Variants in SNX30 observed in about 807,000 individuals in gnomAD.
SNX30 encodes sorting nexin-30.
In SNX30, 24 loss-of-function variants were observed where a neutral mutation model predicts 46.4. That is an observed-to-expected ratio of 0.52 (90% confidence interval 0.37 to 0.73). The LOEUF is 0.73. Ranked by LOEUF, SNX30 falls within the 30% of genes least tolerant of loss-of-function variation. The pLI is 0.00. For missense variants in SNX30, 533 were observed against 555.7 expected (o/e 0.96, Z 0.41); for synonymous variants, 189 against 211.5 (o/e 0.89, Z 0.92).
chr9:112,855,547 A>G (rs1841109861), intron 7 of SNX30, among the ~76,000 whole-genome samples: 1 of 152,078 alleles, frequency 6.6e-6, no homozygotes, highest in African/African-American at 2.4e-5. Flanking sequence ...TGTCTTCACA[A>G]CCTTCCCTGT....
intron 1 of SNX30, among the ~76,000 whole-genome samples, chr9:112,794,529 C>G (rs1840078442): frequency 6.6e-6 from 1 of 152,144 alleles, no homozygotes; most frequent in African/African-American, 2.4e-5. Context: ...TCTGTGTATT[C>G]AGAGAGCCAT....
chr9:112,818,718 T>C (rs1489572896), intron 3 of SNX30, among the ~76,000 whole-genome samples: 3 of 152,194 alleles, frequency 2.0e-5, no homozygotes, highest in African/African-American at 7.2e-5. Context: ...GACTACCAAC[T>C]TTCTGTTACT....
intron 7 of SNX30, among the ~76,000 whole-genome samples, chr9:112,857,509 C>T (rs1319229736): frequency 6.6e-6 from 1 of 152,178 alleles, no homozygotes; most frequent in East Asian, 1.9e-4. Flanking sequence ...GCCCTGTCCC[C>T]TGCTCACTCA....
At chr9:112,798,117 TTTTC>T (rs1840141519) in intron 1 of SNX30, among the ~76,000 whole-genome samples, 1 of 62,928 alleles carries the variant, frequency 1.6e-5, no homozygotes, top group African/African-American at 5.4e-5. Flanking sequence ...GTTTTTTTTT[TTTTC>T]TTTTTTTTTT....
chr9:112,751,041 C>A lies in SNX30; in HGVS notation c.40C>A (p.Pro14Thr). 1.4e-6 allele frequency: 2 copies of A among 1,481,094 alleles called. No homozygotes were observed. The highest frequency in any genetic ancestry group is 2.2e-5 in the Admixed American group (1 of 45,056). The allele number at this position is 1,481,094 out of a possible 1,614,324, so 91.7% of individuals were successfully genotyped here. A position where few individuals can be genotyped will look rare whatever the true frequency, so the allele number is the denominator to read the frequency against. ...GPPKALPSTGPHSLRDMPHPL... is the reference protein window; with the variant it reads ...GPPKALPSTGTHSLRDMPHPL... ...CCCCAAGGCCCTGCCGTCCACGGGG[C>A]CCCACTCCCTGCGCGACATGCCGCA... The change falls in exon 1 of 9, where the codon CCC becomes ACC. Residue 14 changes from proline (P) to threonine (T), a missense_variant. Transcript: ENST00000374232.
intron 2 of SNX30, 72 bp downstream of exon 2, chr9:112,805,039 G>T: frequency 7.9e-7 from 1 of 1,265,474 alleles, no homozygotes. Flanking sequence ...AGTGAATTTT[G>T]CCTTTGCTCT....
chr9:112,815,948 A>G (rs189090843), intron 2 of SNX30, among the ~76,000 whole-genome samples: 3 of 152,288 alleles, frequency 2.0e-5, no homozygotes, highest in Non-Finnish European at 2.9e-5. Context: ...GGCTCAGACA[A>G]TCCTCCTGCC....
intron 1 of SNX30, among the ~76,000 whole-genome samples, chr9:112,792,482 T>C (rs1376858841): frequency 6.6e-6 from 1 of 152,240 alleles, no homozygotes; most frequent in Admixed American, 6.5e-5. Context: ...TGGAGTACAA[T>C]GGTGCGATCT....
chr9:112,790,226 CTA>C (rs1394121402), intron 1 of SNX30, among the ~76,000 whole-genome samples: 2 of 152,204 alleles, frequency 1.3e-5, no homozygotes, highest in Non-Finnish European at 1.5e-5. Context: ...AGATAAATCT[CTA>C]TGTCTTAATA....
intron 1 of SNX30, among the ~76,000 whole-genome samples, chr9:112,775,984 G>C (rs968776217): frequency 4.6e-5 from 7 of 152,072 alleles, no homozygotes; most frequent in Non-Finnish European, 7.4e-5. Flanking sequence ...TACTATTCCA[G>C]ATGAGAAGTC....
At chr9:112,836,936 G>T (rs953188333) in intron 5 of SNX30, among the ~76,000 whole-genome samples, 1 of 152,096 alleles carries the variant, frequency 6.6e-6, no homozygotes, top group Admixed American at 6.5e-5. Context: ...ATCCTTCCTC[G>T]TTTTTGCCTC....
chr9:112,864,534 C>A, intron 8 of SNX30, 135 bp downstream of exon 8: 1 of 1,170,612 alleles, frequency 8.5e-7, no homozygotes. Context: ...TTGGCTCCCG[C>A]TTCATGCCCT....
At chr9:112,817,401 C>CTTTTTTTTTTTT (rs56856142) in intron 2 of SNX30, among the ~76,000 whole-genome samples, 1,188 of 46,838 alleles carry the variant, frequency 0.025, 272 homozygotes, top group East Asian at 0.079. Context: ...AAAAAACTGG[C>CTTTTTTTTTTTT]TTTTTTTTTT....
intron 8 of SNX30, among the ~76,000 whole-genome samples, chr9:112,864,871 T>C (rs536453575): frequency 3.3e-5 from 5 of 152,066 alleles, no homozygotes; most frequent in Admixed American, 6.5e-5. Context: ...GACTTCAAAA[T>C]ATTGATTTTA....
chr9:112,768,797 C>T (rs367641839), intron 1 of SNX30, among the ~76,000 whole-genome samples: 3 of 151,738 alleles, frequency 2.0e-5, no homozygotes, highest in Admixed American at 1.3e-4. Context: ...GCTGGGATTA[C>T]GGGCACCTGC....
At chr9:112,763,360 C>CTTTTTT (rs751720343) in intron 1 of SNX30, among the ~76,000 whole-genome samples, 3 of 47,588 alleles carry the variant, frequency 6.3e-5, no homozygotes, top group Admixed American at 4.1e-4. Context: ...GCTATTTAAA[C>CTTTTTT]TTTTTTTTTT....
At chr9:112,790,730 C>A (rs1317145596) in intron 1 of SNX30, among the ~76,000 whole-genome samples, 2 of 152,192 alleles carry the variant, frequency 1.3e-5, no homozygotes, top group Non-Finnish European at 2.9e-5. Flanking sequence ...AGTCTTTGTC[C>A]TCCACTTCTT....
intron 1 of SNX30, among the ~76,000 whole-genome samples, chr9:112,755,030 C>G (rs970402552): frequency 2.6e-5 from 4 of 152,192 alleles, no homozygotes; most frequent in African/African-American, 9.6e-5. Flanking sequence ...TCCTGTCATT[C>G]TTTTTGTTCA....
chr9:112,844,839 C>T (rs181230118), intron 6 of SNX30, among the ~76,000 whole-genome samples: 7 of 152,320 alleles, frequency 4.6e-5, no homozygotes, highest in East Asian at 1.9e-4. Flanking sequence ...TCAGCCTGCC[C>T]GCCCCTTCCC....
Sources: allele counts gnomAD v4.1 joint callset (sites outside exome capture counted in the v4.1 genomes callset), GRCh38; gene constraint gnomAD v4.1.1; transcripts MANE v1.5; gene names NCBI Gene and HGNC (gene_info 2026-07-23, HGNC 2026-07-21).